The following CSMD1 variants were observed in gnomAD, a reference collection of about 807,000 sequenced individuals.
The protein encoded by CSMD1 is CUB and sushi domain-containing protein 1.
A neutral mutation model predicts 417.5 loss-of-function variants in CSMD1; 213 were observed. That is an observed-to-expected ratio of 0.51 (90% CI 0.46 to 0.57). The LOEUF is 0.57. CSMD1 is among the 20% of genes least tolerant of loss of function. CSMD1 has a pLI of 0.00. For synonymous variants in CSMD1, 2,862 were observed against 1,736.8 expected, an observed-to-expected ratio of 1.65 and a Z score of -16.11; for missense variants, 6,923 against 4,529.7, an observed-to-expected ratio of 1.53 and a Z score of -15.17.
rs185335915 is a variant in CSMD1, at chr8:3,824,933, G to A, written c.819-70891C>T. On this transcript the variant is annotated intron_variant, in intron 5 of 69. Coordinates refer to ENST00000635120, the MANE Select transcript of CSMD1 (RefSeq NM_033225.6). ...CCTGTTAATTAGCACCATAAAAACC[G>A]CAACAATGATTAATCTGATTTTTTA... is the stretch of plus-strand genomic sequence containing the variant. Among the ~76,000 whole-genome samples, 21 of 151,956 alleles carry A rather than the reference G, an allele frequency of 1.4e-4. No individual in the cohort carries two copies. In the East Asian group the frequency reaches 1.9e-3, roughly 14 times the overall value.
At chr8:3,180,641 T>C (rs1821264065) in intron 37 of CSMD1, among the ~76,000 whole-genome samples, 1 of 152,128 alleles carries the variant, frequency 6.6e-6, no homozygotes, top group Non-Finnish European at 1.5e-5. Flanking sequence ...CTTTTGTTTG[T>C]TTGTTTGTTT....
intron 3 of CSMD1, among the ~76,000 whole-genome samples, chr8:4,111,299 G>C (rs1212820661): frequency 6.6e-6 from 1 of 152,156 alleles, no homozygotes; most frequent in Non-Finnish European, 1.5e-5. Flanking sequence ...ATGAGCAGAA[G>C]AATCTGATGG....
intron 54 of CSMD1, among the ~76,000 whole-genome samples, chr8:2,983,064 T>G (rs774655869): frequency 5.9e-5 from 9 of 152,228 alleles, no homozygotes; most frequent in Non-Finnish European, 1.2e-4. Flanking sequence ...GGAAACACCG[T>G]GAACACTTCA....
chr8:3,392,768 G>A (rs899385910), intron 17 of CSMD1, among the ~76,000 whole-genome samples: 5 of 152,156 alleles, frequency 3.3e-5, no homozygotes, highest in African/African-American at 1.2e-4. Context: ...TATGATGTTT[G>A]AAGAAACCTT....
chr8:4,046,402 T>C (rs952382963), intron 3 of CSMD1, among the ~76,000 whole-genome samples: 2 of 152,218 alleles, frequency 1.3e-5, no homozygotes, highest in Non-Finnish European at 2.9e-5. Context: ...AAATCCATGA[T>C]TTTCATATTC....
At chr8:4,480,111 C>G (rs1250875983) in intron 2 of CSMD1, among the ~76,000 whole-genome samples, 1 of 149,948 alleles carries the variant, frequency 6.7e-6, no homozygotes, top group Non-Finnish European at 1.5e-5. Context: ...TTAAAAGGAA[C>G]TTTGTTCTGT....
intron 5 of CSMD1, among the ~76,000 whole-genome samples, chr8:3,838,462 CTATAT>C (rs370937697): frequency 0.022 from 3,220 of 145,010 alleles, 132 homozygotes; most frequent in African/African-American, 0.077. Context: ...CATATATAGG[CTATAT>C]TATATTATAT....
At chr8:3,509,506 TA>T (rs1231580595) in intron 10 of CSMD1, among the ~76,000 whole-genome samples, 6 of 152,222 alleles carry the variant, frequency 3.9e-5, no homozygotes, top group Non-Finnish European at 5.9e-5. Context: ...TCCTCATCTT[TA>T]AAATGAAGAA....
chr8:3,584,895 C>G (rs74683857), intron 9 of CSMD1, among the ~76,000 whole-genome samples: 2,872 of 152,242 alleles, frequency 0.019, 41 homozygotes, highest in Non-Finnish European at 0.029. Flanking sequence ...TTTAGTACAG[C>G]TCTTTGAAGT....
chr8:4,824,574 C>A (rs534477264), intron 1 of CSMD1, among the ~76,000 whole-genome samples: 3 of 152,268 alleles, frequency 2.0e-5, no homozygotes, highest in South Asian at 4.1e-4. Flanking sequence ...CAGTCTCAAA[C>A]AAGACAGTCT....
At chr8:3,445,661 A>C (rs1016604487) in intron 12 of CSMD1, among the ~76,000 whole-genome samples, 6 of 152,156 alleles carry the variant, frequency 3.9e-5, no homozygotes, top group Non-Finnish European at 8.8e-5. Context: ...CCAAGGTAGA[A>C]ATACGTCGGA....
intron 3 of CSMD1, among the ~76,000 whole-genome samples, chr8:4,090,098 C>A (rs915325959): frequency 2.0e-5 from 3 of 152,142 alleles, no homozygotes; most frequent in African/African-American, 7.2e-5. Flanking sequence ...CTTAAATACA[C>A]CTTTTGCTAT....
At chr8:4,383,369 G>A (rs548773762) in intron 3 of CSMD1, among the ~76,000 whole-genome samples, 1 of 152,246 alleles carries the variant, frequency 6.6e-6, no homozygotes, top group South Asian at 2.1e-4. Flanking sequence ...TTTTGCTTAT[G>A]GAAATGTTTA....
intron 1 of CSMD1, among the ~76,000 whole-genome samples, chr8:4,825,408 G>A (rs1163786221): frequency 6.6e-6 from 1 of 152,024 alleles, no homozygotes; most frequent in African/African-American, 2.4e-5. Context: ...ATGCAGTGAT[G>A]GTGACTCTAG....
intron 1 of CSMD1, among the ~76,000 whole-genome samples, chr8:4,701,504 G>T (rs563232136): frequency 1.3e-5 from 2 of 151,940 alleles, no homozygotes; most frequent in Non-Finnish European, 2.9e-5. Flanking sequence ...CACCCAGGCC[G>T]CCTCCCAGAG....
At chr8:3,338,893 G>C (rs1191422414) in intron 23 of CSMD1, among the ~76,000 whole-genome samples, 1 of 149,820 alleles carries the variant, frequency 6.7e-6, no homozygotes, top group Non-Finnish European at 1.5e-5. Flanking sequence ...GTGCAGGTTA[G>C]TTACATATGT....
chr8:3,375,452 A>C (rs1393553959), intron 18 of CSMD1, among the ~76,000 whole-genome samples: 1 of 152,022 alleles, frequency 6.6e-6, no homozygotes, highest in Non-Finnish European at 1.5e-5. Context: ...GTTCTATTTG[A>C]AGTCAGACTT....
intron 5 of CSMD1, among the ~76,000 whole-genome samples, chr8:3,893,040 T>A (rs1393974776): frequency 6.6e-6 from 1 of 151,950 alleles, no homozygotes; most frequent in Non-Finnish European, 1.5e-5. Flanking sequence ...AATAGTGATA[T>A]GGATTAAACA....
chr8:4,203,049 G>C (rs1471084146), intron 3 of CSMD1, among the ~76,000 whole-genome samples: 2 of 152,188 alleles, frequency 1.3e-5, no homozygotes, highest in East Asian at 3.9e-4. Context: ...GATTTGACAG[G>C]TGTGAGAGTT....
Sources: allele counts gnomAD v4.1 joint callset (sites outside exome capture counted in the v4.1 genomes callset), GRCh38; gene constraint gnomAD v4.1.1; transcripts MANE v1.5; gene names NCBI Gene and HGNC (gene_info 2026-07-23, HGNC 2026-07-21).